GTF2IRD1: variants seen among roughly 807,000 people sequenced by gnomAD.
GTF2IRD1 encodes the protein general transcription factor II-I repeat domain-containing protein 1.
A neutral mutation model predicts 113.2 loss-of-function variants in GTF2IRD1; 26 were observed. That is an observed-to-expected ratio of 0.23 (90% CI 0.17 to 0.32). GTF2IRD1 has a LOEUF of 0.32. GTF2IRD1 is among the 10% of genes least tolerant of loss of function. The pLI is 1.00. For synonymous variants in GTF2IRD1, 484 were observed against 529.1 expected, an observed-to-expected ratio of 0.91 and a Z score of 1.17; for missense variants, 864 against 1,280.8, an observed-to-expected ratio of 0.67 and a Z score of 4.97.
intron 1 of GTF2IRD1, among the ~76,000 whole-genome samples, chr7:74,501,006 T>C (rs187392056): frequency 6.6e-6 from 1 of 152,274 alleles, no homozygotes; most frequent in Admixed American, 6.5e-5. Flanking sequence ...CATTGAATCG[T>C]CCTTTAAGCA....
chr7:74,496,235 C>T (rs533431719), intron 1 of GTF2IRD1, among the ~76,000 whole-genome samples: 29 of 130,524 alleles, frequency 2.2e-4, no homozygotes, highest in Non-Finnish European at 3.9e-4. Context: ...GGTGTGCATG[C>T]GTGTGTGGGT....
chr7:74,527,020 C>G (rs1157168374), intron 8 of GTF2IRD1, among the ~76,000 whole-genome samples: 1 of 152,068 alleles, frequency 6.6e-6, no homozygotes, highest in Admixed American at 6.6e-5. Flanking sequence ...TACAGGAACA[C>G]AGACAAAGCA....
At chr7:74,587,625 G>T (rs1419021897) in intron 22 of GTF2IRD1, among the ~76,000 whole-genome samples, 2 of 151,958 alleles carry the variant, frequency 1.3e-5, no homozygotes, top group East Asian at 1.9e-4. Context: ...GCTTCTCAGA[G>T]AGGAGATTTC....
chr7:74,546,378 T>C lies in GTF2IRD1; in HGVS notation c.1732+569T>C, dbSNP rs587701114. Among the ~76,000 whole-genome samples, 3 of 152,010 alleles carry C rather than the reference T, an allele frequency of 2.0e-5. No individual in the cohort carries two copies. In the South Asian group the frequency reaches 6.2e-4, roughly 32 times the overall value. On this transcript the variant is annotated intron_variant, in intron 16 of 26. Transcript: ENST00000424337. ...CTGGGATTACAGGCACCTGCCACCATACCCGGCTAATTTTTGTAGTTTTAA... is the reference window on the plus strand; with the variant it reads ...CTGGGATTACAGGCACCTGCCACCACACCCGGCTAATTTTTGTAGTTTTAA...
In GTF2IRD1 at chr7:74,555,234, C is replaced by CA; in HGVS notation, c.1966+11_1966+12insA. ...TCATGGATAGTCAAGGTACCCAGCG[C>CA]GGGGTCGGGAGCCATGGTGTGGGCG... On this transcript the variant is annotated intron_variant, in intron 18 of 26. Transcript: ENST00000424337. This position sits in a 1 kb window ranked among gnomAD's most constrained non-coding sequence, Gnocchi z 5.3. The CA allele has an allele frequency of 6.2e-7, 1 of 1,612,358 alleles. No individual in the cohort carries two copies. Among genetic ancestry groups the CA allele is most frequent in the South Asian group, 1.1e-5 (1 of 90,928 alleles).
intron 22 of GTF2IRD1, among the ~76,000 whole-genome samples, chr7:74,570,012 C>A (rs1326062504): frequency 2.0e-4 from 31 of 152,010 alleles, no homozygotes; most frequent in Admixed American, 5.9e-4. Flanking sequence ...GGTGGGGGAA[C>A]CTTTGGGTAA....
intron 22 of GTF2IRD1, among the ~76,000 whole-genome samples, chr7:74,570,156 G>A (rs1414799586): frequency 6.6e-6 from 1 of 152,044 alleles, no homozygotes; most frequent in Non-Finnish European, 1.5e-5. Flanking sequence ...GAGGTCGGGA[G>A]TTCGAAACCA....
At position 74,468,676 on chromosome 7, in the gene GTF2IRD1, CTGTGTGTGTGTG is replaced by C. The variant is rs61694825; in HGVS notation, c.-7+14536_-7+14547del. Among the ~76,000 whole-genome samples the C allele has an allele frequency of 9.0e-4, 116 of 129,414 alleles. 1 individual carries two copies. Among genetic ancestry groups the C allele is most frequent in the Middle Eastern group, 4.0e-3 (1 of 252 alleles). 84.9% of individuals were successfully genotyped at this position (129,414 alleles called of 152,430 possible). ...ACTCCATCTCCAAAAAAAAAAAAAA[CTGTGTGTGTGTG>C]TGTGTGTGTGTGTGTGTGTGTGTGT... On this transcript the variant is annotated intron_variant, in intron 1 of 26. Coordinates refer to ENST00000424337, the MANE Select transcript of GTF2IRD1 (RefSeq NM_005685.4).
In GTF2IRD1 at chr7:74,593,402, C is replaced by T. The variant is rs1802189457; in HGVS notation, c.2592-1612C>T. Among the ~76,000 whole-genome samples the T allele has an allele frequency of 4.0e-5, 4 of 100,578 alleles. No individual in the cohort carries two copies. In the Admixed American group the frequency reaches 4.5e-4, roughly 11 times the overall value. 66.0% of individuals were successfully genotyped at this position (100,578 alleles called of 152,430 possible). On this transcript the variant is annotated intron_variant, in intron 24 of 26. Coordinates refer to ENST00000424337, the MANE Select transcript of GTF2IRD1 (RefSeq NM_005685.4). ...ACCAGCCTGACCAATATGGTGAAAC[C>T]TCATCTCTACTAAAAAAAAAAAAAA... is the stretch of plus-strand genomic sequence containing the variant.
chr7:74,537,581 T>C (rs1798373907), intron 11 of GTF2IRD1, among the ~76,000 whole-genome samples: 1 of 152,126 alleles, frequency 6.6e-6, no homozygotes, highest in African/African-American at 2.4e-5. Flanking sequence ...TCAGCTTGGC[T>C]ACCATCCACC....
At chr7:74,460,790 C>T (rs923886038) in intron 1 of GTF2IRD1, among the ~76,000 whole-genome samples, 2 of 152,220 alleles carry the variant, frequency 1.3e-5, no homozygotes, top group African/African-American at 4.8e-5. Flanking sequence ...ATTGGCAAGG[C>T]CTGAGTGCTG....
At chr7:74,475,982 C>A (rs73364415) in intron 1 of GTF2IRD1, among the ~76,000 whole-genome samples, 4,427 of 152,278 alleles carry the variant, frequency 0.029, 208 homozygotes, top group African/African-American at 0.1. Flanking sequence ...CACTGATGAG[C>A]ATCTGCCAAG....
intron 25 of GTF2IRD1, among the ~76,000 whole-genome samples, chr7:74,598,086 G>C (rs1228701704): frequency 6.6e-6 from 1 of 152,126 alleles, no homozygotes; most frequent in Non-Finnish European, 1.5e-5. Context: ...AGCCAGGCGT[G>C]GTGGCGCGTA....
At chr7:74,550,253 C>CAT (rs59572051) in intron 17 of GTF2IRD1, among the ~76,000 whole-genome samples, 27,931 of 152,024 alleles carry the variant, frequency 0.18, 2,708 homozygotes, top group Middle Eastern at 0.21. Context: ...TCATGATAGA[C>CAT]ATATAGCCCA....
chr7:74,590,358 G>C (rs1186386453), intron 23 of GTF2IRD1, among the ~76,000 whole-genome samples: 1 of 151,512 alleles, frequency 6.6e-6, no homozygotes, highest in Non-Finnish European at 1.5e-5. Flanking sequence ...CAGGATTACA[G>C]GTGTGAGCCA....
At chr7:74,479,669 G>A (rs782572735) in intron 1 of GTF2IRD1, among the ~76,000 whole-genome samples, 3 of 151,644 alleles carry the variant, frequency 2.0e-5, no homozygotes, top group East Asian at 1.9e-4. Context: ...CTCACCCGCC[G>A]TCCTGGGCTT....
chr7:74,504,501 C>G (rs1470005670), intron 1 of GTF2IRD1, among the ~76,000 whole-genome samples: 1 of 152,146 alleles, frequency 6.6e-6, no homozygotes, highest in African/African-American at 2.4e-5. Context: ...GGTCTGTTCC[C>G]TGCATCCCTG....
chr7:74,503,577 C>T lies in GTF2IRD1; in HGVS notation c.-6-4498C>T, dbSNP rs372910219. Among the ~76,000 whole-genome samples, 7 of 151,622 alleles carry T rather than the reference C, an allele frequency of 4.6e-5. No individual in the cohort carries two copies. The East Asian group carries it at 5.8e-4, about 13-fold the overall frequency. The stretch of plus-strand genomic sequence containing the variant: ...CAGTCTGGCCAACATGGGGAAACCC[C>T]GTCTCTACTAAAAATACAAACATTA... On this transcript the variant is annotated intron_variant, in intron 1 of 26. Transcript: ENST00000424337.
chr7:74,462,557 T>C (rs1212861726), intron 1 of GTF2IRD1, among the ~76,000 whole-genome samples: 2 of 152,188 alleles, frequency 1.3e-5, no homozygotes, highest in African/African-American at 4.8e-5. Context: ...ATATGCCACA[T>C]ACCTCTAGCC....
Sources: allele counts gnomAD v4.1 joint callset (sites outside exome capture counted in the v4.1 genomes callset), GRCh38; gene constraint gnomAD v4.1.1; non-coding constraint Gnocchi (gnomAD v3.1); transcripts MANE v1.5; gene names NCBI Gene and HGNC (gene_info 2026-07-23, HGNC 2026-07-21).